The following CTNNA2 variants were observed in gnomAD, a reference collection of about 807,000 sequenced individuals.
CTNNA2 encodes the protein catenin alpha 2.
Under a neutral mutation model 101.0 loss-of-function variants are expected in CTNNA2, and 42 were observed. That is an observed-to-expected ratio of 0.42 (90% CI 0.32 to 0.54). The LOEUF (loss-of-function observed/expected upper bound fraction) is 0.54. Ranked by LOEUF, CTNNA2 falls within the 20% of genes least tolerant of loss-of-function variation. CTNNA2 has a pLI of 0.14. For missense variants in CTNNA2, 871 were observed against 1,223.1 expected, an observed-to-expected ratio of 0.71 and a Z score of 4.29; for synonymous variants, 450 against 456.4, an observed-to-expected ratio of 0.99 and a Z score of 0.18.
At chr2:79,646,524 CT>C (rs67454188) in intron 1 of CTNNA2, among the ~76,000 whole-genome samples, 5,136 of 106,080 alleles carry the variant, frequency 0.048, 136 homozygotes, top group African/African-American at 0.15. Context: ...TTCTTTCTGT[CT>C]TTTTTTTTTT....
chr2:80,590,540 G>C (rs987860940), intron 15 of CTNNA2, among the ~76,000 whole-genome samples: 2 of 152,036 alleles, frequency 1.3e-5, no homozygotes, highest in Admixed American at 6.6e-5. Context: ...GACATCATCT[G>C]ATGGGTGACA....
chr2:79,267,945 G>T (rs1573006919), intron 2 of CTNNA2, among the ~76,000 whole-genome samples: 1 of 152,100 alleles, frequency 6.6e-6, no homozygotes, highest in Non-Finnish European at 1.5e-5. Flanking sequence ...GGGATCAAAA[G>T]GTTCATAGAG....
chr2:79,214,814 T>A (rs1327015818), intron 2 of CTNNA2, among the ~76,000 whole-genome samples: 1 of 151,694 alleles, frequency 6.6e-6, no homozygotes, highest in African/African-American at 2.4e-5. Flanking sequence ...CAGGTGGGGA[T>A]AAGTAAAAAA....
At chr2:80,007,548 G>C (rs1313700699) in intron 7 of CTNNA2, among the ~76,000 whole-genome samples, 2 of 152,056 alleles carry the variant, frequency 1.3e-5, no homozygotes. Context: ...CTGTTTGGTG[G>C]GTGGTGCTGA....
upstream of CTNNA2, among the ~76,000 whole-genome samples, chr2:79,512,845 C>T (rs982391009): frequency 5.9e-5 from 9 of 151,536 alleles, no homozygotes; most frequent in African/African-American, 2.2e-4. Context: ...CCCTCGATGC[C>T]CGGTGCCTTT....
intron 7 of CTNNA2, among the ~76,000 whole-genome samples, chr2:80,191,140 A>G (rs1287115850): frequency 6.6e-6 from 1 of 152,212 alleles, no homozygotes; most frequent in African/African-American, 2.4e-5. Flanking sequence ...CTTTGCCAGG[A>G]GATGACCACT....
intron 1 of CTNNA2, among the ~76,000 whole-genome samples, chr2:79,561,287 A>G (rs1674764620): frequency 6.6e-6 from 1 of 151,878 alleles, no homozygotes; most frequent in Non-Finnish European, 1.5e-5. Context: ...ATAATATGCT[A>G]TTTTATGCAT....
At chr2:79,332,739 T>G (rs1390027475) in intron 3 of CTNNA2, among the ~76,000 whole-genome samples, 2 of 152,100 alleles carry the variant, frequency 1.3e-5, no homozygotes, top group Non-Finnish European at 2.9e-5. Flanking sequence ...CTTGGAAAAA[T>G]TTAGTCAAAA....
At chr2:80,572,778 C>T (rs1694708529) in intron 12 of CTNNA2, 1 of 152,002 alleles carries the variant, frequency 6.6e-6, no homozygotes, top group Non-Finnish European at 1.5e-5. Context: ...CTTAAAAGCC[C>T]AAATGAAAAA....
At chr2:80,289,785 G>A (rs1675079125) in intron 7 of CTNNA2, among the ~76,000 whole-genome samples, 1 of 152,166 alleles carries the variant, frequency 6.6e-6, no homozygotes, top group South Asian at 2.1e-4. Context: ...GTGTTATACG[G>A]TAGGGAAAAA....
intron 3 of CTNNA2, among the ~76,000 whole-genome samples, chr2:79,371,418 C>T (rs533726534): frequency 2.6e-4 from 39 of 151,984 alleles, no homozygotes; most frequent in Middle Eastern, 3.4e-3. Context: ...AAAAGACTCA[C>T]GATGTGGAAC....
At chr2:79,473,465 T>A (rs1444695101) in intron 4 of CTNNA2, among the ~76,000 whole-genome samples, 1 of 151,730 alleles carries the variant, frequency 6.6e-6, no homozygotes, top group Non-Finnish European at 1.5e-5. Flanking sequence ...CACACCATAT[T>A]CACTGCCAAA....
At chr2:79,787,886 C>T (rs1014936500) in intron 3 of CTNNA2, among the ~76,000 whole-genome samples, 5 of 151,984 alleles carry the variant, frequency 3.3e-5, no homozygotes, top group Non-Finnish European at 2.9e-5. Context: ...ACCACACATG[C>T]ACGGTGCCTT....
intron 4 of CTNNA2, among the ~76,000 whole-genome samples, chr2:79,425,750 G>A (rs769600952): frequency 5.9e-5 from 9 of 152,096 alleles, no homozygotes; most frequent in Non-Finnish European, 8.8e-5. Flanking sequence ...ATTTGCTTGC[G>A]TAATTATATT....
intron 9 of CTNNA2, among the ~76,000 whole-genome samples, chr2:80,496,671 T>A (rs1389295599): frequency 6.6e-6 from 1 of 152,194 alleles, no homozygotes; most frequent in Non-Finnish European, 1.5e-5. Flanking sequence ...TAGTAACTAC[T>A]GTAATTTTAT....
At chr2:79,904,043 A>T (rs146655675) in intron 6 of CTNNA2, among the ~76,000 whole-genome samples, 150 of 152,220 alleles carry the variant, frequency 9.9e-4, no homozygotes, top group East Asian at 4.6e-3. Flanking sequence ...ATAATATGCC[A>T]TCTCTCACCT....
chr2:79,532,506 T>G (rs1672806990), intron 1 of CTNNA2, among the ~76,000 whole-genome samples: 1 of 152,148 alleles, frequency 6.6e-6, no homozygotes, highest in Non-Finnish European at 1.5e-5. Context: ...ACTTTAAAAA[T>G]TTTCTTCCTG....
intron 7 of CTNNA2, among the ~76,000 whole-genome samples, chr2:80,164,634 C>T (rs903876617): frequency 4.6e-5 from 7 of 151,758 alleles, no homozygotes; most frequent in African/African-American, 1.7e-4. Context: ...TATATTCTAG[C>T]CTTCCCCCAA....
intron 2 of CTNNA2, among the ~76,000 whole-genome samples, chr2:79,724,762 C>T (rs1274477575): frequency 1.4e-5 from 2 of 141,392 alleles, no homozygotes; most frequent in African/African-American, 5.5e-5. Flanking sequence ...TTGCAGTGAG[C>T]CAAGATCATG....
Sources: gnomAD v4.1 joint callset for allele counts (sites outside exome capture counted in the v4.1 genomes callset) on GRCh38, gnomAD v4.1.1 for gene constraint, MANE v1.5 for transcripts, NCBI Gene and HGNC (gene_info 2026-07-23, HGNC 2026-07-21) for gene names.